The following MARCHF1 variants were observed in gnomAD, a reference collection of about 807,000 sequenced individuals.
MARCHF1 encodes the protein membrane associated ring-CH-type finger 1, also known as E3 ubiquitin-protein ligase MARCHF1.
A neutral mutation model predicts 54.2 loss-of-function variants in MARCHF1; 40 were observed. The observed-to-expected ratio is 0.74, with a 90% confidence interval of 0.57 to 0.96. MARCHF1 has a LOEUF of 0.96. Ranked by LOEUF, MARCHF1 falls within the 40% of genes least tolerant of loss-of-function variation. The probability of loss-of-function intolerance (pLI) is 0.00; values close to 1 mark genes in which losing one functional copy is unlikely to be tolerated. For synonymous variants in MARCHF1, 236 were observed against 236.3 expected (o/e 1.00, Z 0.01); for missense variants, 586 against 656.5 (o/e 0.89, Z 1.17).
intron 4 of MARCHF1, among the ~76,000 whole-genome samples, chr4:163,719,147 A>C (rs1471899175): frequency 1.3e-5 from 2 of 152,070 alleles, no homozygotes; most frequent in African/African-American, 4.8e-5. Flanking sequence ...CGTCATGTAC[A>C]TTAGGTATAT....
intron 4 of MARCHF1, among the ~76,000 whole-genome samples, chr4:163,767,272 T>G (rs1348929761): frequency 6.6e-6 from 1 of 152,072 alleles, no homozygotes; most frequent in African/African-American, 2.4e-5. Context: ...ATCTGATTAA[T>G]TTGCGTTCTG....
Position 164,052,678 on chromosome 4 carries a change from A to T in MARCHF1, c.-248+58910T>A, listed in dbSNP as rs139107904. Among the ~76,000 whole-genome samples the T allele has an allele frequency of 1.5e-3, 223 of 152,246 alleles. 5 individuals carry two copies. In the East Asian group the frequency reaches 0.035, roughly 24 times the overall value. ...ATGGCACCCACCTGTGCTGCTCTAC[A>T]TCACCCCCATGGAACAGGGAAGAAG... On this transcript the variant is annotated intron_variant, in intron 2 of 9. Transcript: ENST00000514618.
At chr4:164,089,035 C>A (rs2111128487) in intron 2 of MARCHF1, among the ~76,000 whole-genome samples, 1 of 152,166 alleles carries the variant, frequency 6.6e-6, no homozygotes, top group African/African-American at 2.4e-5. Flanking sequence ...TTCACATGCT[C>A]CTAAGATTTA....
At chr4:164,070,776 A>G (rs1229042788) in intron 2 of MARCHF1, among the ~76,000 whole-genome samples, 1 of 152,212 alleles carries the variant, frequency 6.6e-6, no homozygotes, top group East Asian at 1.9e-4. Context: ...AAATGCCTCA[A>G]TTCATTCTCT....
At chr4:163,663,333 C>T (rs116163281) in intron 5 of MARCHF1, among the ~76,000 whole-genome samples, 311 of 151,538 alleles carry the variant, frequency 2.1e-3, no homozygotes, top group African/African-American at 7.3e-3. Flanking sequence ...TAGATGATCA[C>T]AACTGACCAC....
intron 4 of MARCHF1, among the ~76,000 whole-genome samples, chr4:163,759,357 T>C (rs1341327072): frequency 6.6e-6 from 1 of 152,204 alleles, no homozygotes; most frequent in African/African-American, 2.4e-5. Context: ...GTGCCTTAGA[T>C]ATATTCAATA....
At chr4:163,693,818 GA>G (rs1380642142) in intron 5 of MARCHF1, among the ~76,000 whole-genome samples, 20 of 152,172 alleles carry the variant, frequency 1.3e-4, no homozygotes, top group African/African-American at 4.8e-4. Flanking sequence ...CTCATTATAA[GA>G]AAGTAGGGTT....
intron 7 of MARCHF1, among the ~76,000 whole-genome samples, chr4:163,599,638 T>A (rs1343761368): frequency 6.6e-6 from 1 of 152,168 alleles, no homozygotes; most frequent in African/African-American, 2.4e-5. Flanking sequence ...TTATTATCTG[T>A]ATTCTCTACT....
chr4:163,935,702 C>CTTTTTTTTT (rs34331599), intron 3 of MARCHF1, among the ~76,000 whole-genome samples: 35 of 125,626 alleles, frequency 2.8e-4, no homozygotes, highest in Admixed American at 4.1e-4. Flanking sequence ...TGCTTGCTTT[C>CTTTTTTTTT]TTTTTTTTTT....
intron 1 of MARCHF1, among the ~76,000 whole-genome samples, chr4:164,276,983 A>C (rs1036850124): frequency 6.9e-6 from 1 of 145,778 alleles, no homozygotes. Context: ...GAGAGAGAGA[A>C]AATATATGAG....
At chr4:164,220,970 C>T (rs1412139711) in intron 1 of MARCHF1, among the ~76,000 whole-genome samples, 1 of 151,644 alleles carries the variant, frequency 6.6e-6, no homozygotes, top group African/African-American at 2.4e-5. Context: ...TTTGTTTGTT[C>T]TGATCTTCAT....
chr4:164,017,605 T>C (rs896766063), intron 2 of MARCHF1, among the ~76,000 whole-genome samples: 3 of 151,846 alleles, frequency 2.0e-5, no homozygotes. Context: ...TAAATTAAAG[T>C]ATATGTAAGA....
chr4:164,168,663 T>TAC (rs3059785), intron 1 of MARCHF1, among the ~76,000 whole-genome samples: 6,822 of 147,116 alleles, frequency 0.046, 175 homozygotes, highest in East Asian at 0.076. Flanking sequence ...TTATGTGGAA[T>TAC]ACACACACAC....
intron 3 of MARCHF1, among the ~76,000 whole-genome samples, chr4:163,952,279 A>G (rs1317965853): frequency 6.6e-6 from 1 of 152,156 alleles, no homozygotes; most frequent in Non-Finnish European, 1.5e-5. Context: ...AACGATACAC[A>G]CTGTAGAAAA....
intron 1 of MARCHF1, among the ~76,000 whole-genome samples, chr4:164,187,746 A>T (rs1731010015): frequency 6.6e-6 from 1 of 152,212 alleles, no homozygotes; most frequent in Admixed American, 6.5e-5. Flanking sequence ...AATAAAAATA[A>T]AGCATAGCCT....
At chr4:163,741,999 G>A (rs1746209232) in intron 4 of MARCHF1, among the ~76,000 whole-genome samples, 1 of 152,154 alleles carries the variant, frequency 6.6e-6, no homozygotes, top group Non-Finnish European at 1.5e-5. Context: ...ATCATCTGAA[G>A]TTTTTATTTT....
intron 8 of MARCHF1, among the ~76,000 whole-genome samples, chr4:163,572,897 T>C (rs1739889133): frequency 6.6e-6 from 1 of 152,118 alleles, no homozygotes; most frequent in Non-Finnish European, 1.5e-5. Context: ...ACAGTTCTCA[T>C]CTATCTGTGG....
intron 4 of MARCHF1, among the ~76,000 whole-genome samples, chr4:163,709,530 C>A (rs950623058): frequency 6.6e-6 from 1 of 152,118 alleles, no homozygotes; most frequent in Non-Finnish European, 1.5e-5. Context: ...ATTGGCCTTA[C>A]TCAACAGAGT....
In MARCHF1 at chr4:163,854,024, T is replaced by C. The variant is rs1434861335; in HGVS notation, c.108A>G (p.Thr36=). 5.9e-6 allele frequency: 9 copies of C among 1,536,670 alleles called. No homozygotes were observed. The highest frequency in any genetic ancestry group is 4.1e-5 in the African/African-American group (3 of 73,016). The change falls in exon 4 of 10, where the codon ACA becomes ACG. Residue 36 remains threonine, a synonymous_variant. Transcript: ENST00000514618. ...GGTAAAGTAACTTTCCACTCACCAA[T>C]GTGGAGGTTTGTGAGGCGTCAGCCA... ...GDLADASQTS[T]LNEKSPGRSA...
Sources: allele counts gnomAD v4.1 joint callset (sites outside exome capture counted in the v4.1 genomes callset), GRCh38; gene constraint gnomAD v4.1.1; transcripts MANE v1.5; gene names NCBI Gene and HGNC (gene_info 2026-07-23, HGNC 2026-07-21).